The following GALNT14 variants were observed in gnomAD, a reference collection of about 807,000 sequenced individuals.
GALNT14 encodes polypeptide N-acetylgalactosaminyltransferase 14.
GALNT14 carries 60 observed loss-of-function variants against 77.5 expected under a neutral mutation model. That is an observed-to-expected ratio of 0.77 (90% CI 0.63 to 0.96). The LOEUF is 0.96. Among genes scored for constraint, GALNT14 ranks in the 40% least tolerant of loss-of-function variants. The pLI, the probability that GALNT14 is intolerant of heterozygous loss-of-function variation, is 0.00. For missense variants in GALNT14, 710 were observed against 731.0 expected (o/e 0.97, Z 0.33); for synonymous variants, 280 against 281.7 (o/e 0.99, Z 0.06).
rs1211106519 is a variant in GALNT14 at position 31,072,304 on chromosome 2, TAC to T, written c.129+65652_129+65653del. Reference sequence around the variant, plus strand: ...ACATACACACACACACACACACACATACACACACACACACACACGCATGCGGA... The same window carrying T: ...ACATACACACACACACACACACACATACACACACACACACACGCATGCGGA... On this transcript the variant is annotated intron_variant, in intron 1 of 14. Coordinates refer to ENST00000349752, the MANE Select transcript of GALNT14 (RefSeq NM_024572.4). Among the ~76,000 whole-genome samples the T allele has an allele frequency of 7.7e-3, 291 of 37,796 alleles. 2 individuals are homozygous for T. The highest frequency in any genetic ancestry group is 0.044 in the African/African-American group (218 of 4,940). 24.8% of individuals were successfully genotyped at this position (37,796 alleles called of 152,430 possible).
At chr2:30,895,066 C>T in the GALNT14 span, among the ~76,000 whole-genome samples, 1 of 152,216 alleles carries the variant, frequency 6.6e-6, no homozygotes, top group Admixed American at 6.5e-5. Context: ...CCTCTTTGTG[C>T]TATCCAAGTT....
intron 1 of GALNT14, among the ~76,000 whole-genome samples, chr2:31,130,789 C>T (rs1287687311): frequency 1.4e-3 from 167 of 119,068 alleles, no homozygotes; most frequent in African/African-American, 3.5e-3. Flanking sequence ...TGTGTGCGCG[C>T]GCACCTGTGT....
At chr2:30,891,293 T>C in the GALNT14 span, among the ~76,000 whole-genome samples, 1 of 152,162 alleles carries the variant, frequency 6.6e-6, no homozygotes, top group Admixed American at 6.5e-5. Flanking sequence ...TTACGGGCTT[T>C]CCTGCTGTGT....
At chr2:31,092,607 A>G (rs1251236476) in intron 1 of GALNT14, among the ~76,000 whole-genome samples, 1 of 152,182 alleles carries the variant, frequency 6.6e-6, no homozygotes, top group East Asian at 1.9e-4. Flanking sequence ...GTCATGAAGA[A>G]AGGAGATAAG....
intron 1 of GALNT14, among the ~76,000 whole-genome samples, chr2:31,050,529 G>A (rs1042457158): frequency 2.0e-5 from 3 of 152,128 alleles, no homozygotes; most frequent in African/African-American, 7.2e-5. Flanking sequence ...TAAATGCAAC[G>A]TGGGGGCCTG....
intron 6 of GALNT14, among the ~76,000 whole-genome samples, chr2:30,954,858 G>C (rs1259487170): frequency 6.6e-6 from 1 of 152,120 alleles, no homozygotes; most frequent in East Asian, 1.9e-4. Context: ...AGTGAAGTGG[G>C]TATATTAAAA....
intron 1 of GALNT14, among the ~76,000 whole-genome samples, chr2:31,091,321 A>G (rs1477979496): frequency 2.0e-5 from 3 of 152,236 alleles, no homozygotes; most frequent in Non-Finnish European, 4.4e-5. Flanking sequence ...TTTTATTGGA[A>G]CACACCATGC....
chr2:30,890,361 A>G, the GALNT14 span, among the ~76,000 whole-genome samples: 1 of 152,158 alleles, frequency 6.6e-6, no homozygotes, highest in Non-Finnish European at 1.5e-5. Flanking sequence ...TCCTTTTAGC[A>G]CTTAGTACTC....
chr2:30,984,515 T>A (rs1291704353), intron 2 of GALNT14, among the ~76,000 whole-genome samples: 3 of 152,210 alleles, frequency 2.0e-5, no homozygotes, highest in Admixed American at 6.5e-5. Context: ...AATCTCCTTA[T>A]CCTGAATTCA....
intron 6 of GALNT14, among the ~76,000 whole-genome samples, chr2:30,948,784 C>G (rs942229646): frequency 1.3e-5 from 2 of 152,170 alleles, no homozygotes; most frequent in Non-Finnish European, 2.9e-5. Context: ...AGTTATTAAA[C>G]CTGAGGGTAG....
In GALNT14 at chr2:31,113,605, C is replaced by T. The variant is rs190496071; in HGVS notation, c.129+24353G>A. On this transcript the variant is annotated intron_variant, in intron 1 of 14. Coordinates refer to ENST00000349752, the MANE Select transcript of GALNT14 (RefSeq NM_024572.4). ...TTCTGGTGCTGCAAGGAACCAACAGCCTGGCTGGTGGTACTGCTCCTACAA... is the reference window on the plus strand; with the variant it reads ...TTCTGGTGCTGCAAGGAACCAACAGTCTGGCTGGTGGTACTGCTCCTACAA... Among the ~76,000 whole-genome samples, 6 of 152,242 alleles carry T rather than the reference C, an allele frequency of 3.9e-5. No individual in the cohort carries two copies. In the East Asian group the frequency reaches 1.2e-3, roughly 29 times the overall value.
At chr2:31,005,451 C>T (rs1670614344) in intron 1 of GALNT14, among the ~76,000 whole-genome samples, 1 of 152,206 alleles carries the variant, frequency 6.6e-6, no homozygotes, top group Non-Finnish European at 1.5e-5. Flanking sequence ...TTCACCCTCA[C>T]CCAGCTTCAT....
intron 1 of GALNT14, among the ~76,000 whole-genome samples, chr2:31,061,645 C>A (rs1408458547): frequency 6.6e-6 from 1 of 151,988 alleles, no homozygotes; most frequent in Non-Finnish European, 1.5e-5. Context: ...CCACTATCAC[C>A]TCCAGGTACT....
intron 1 of GALNT14, among the ~76,000 whole-genome samples, chr2:31,005,529 C>A (rs1463385052): frequency 7.9e-5 from 12 of 152,220 alleles, no homozygotes. Context: ...AATGCATACA[C>A]AACATATTAT....
At chr2:30,909,675 G>A (rs62139530), downstream of GALNT14, among the ~76,000 whole-genome samples, 1 of 151,836 alleles carries the variant, frequency 6.6e-6, no homozygotes, top group Admixed American at 6.6e-5. Flanking sequence ...ATCTAGAACT[G>A]GAAATACCAT....
chr2:31,115,078 C>A (rs1159229496), intron 1 of GALNT14, among the ~76,000 whole-genome samples: 1 of 152,008 alleles, frequency 6.6e-6, no homozygotes, highest in Non-Finnish European at 1.5e-5. Flanking sequence ...AAGACCCCAT[C>A]TCTACTAAAT....
At chr2:31,000,435 CTGTGTGTGTG>C (rs3223043) in intron 1 of GALNT14, among the ~76,000 whole-genome samples, 118 of 146,076 alleles carry the variant, frequency 8.1e-4, no homozygotes, top group African/African-American at 2.0e-3. Context: ...ATATCACCAA[CTGTGTGTGTG>C]TGTGTGTGTG....
intron 6 of GALNT14, among the ~76,000 whole-genome samples, chr2:30,953,128 A>G (rs1667138289): frequency 6.6e-6 from 1 of 152,100 alleles, no homozygotes; most frequent in Admixed American, 6.6e-5. Context: ...TTTTAACTCC[A>G]GGCATGAATG....
At chr2:31,065,253 C>T (rs1424515037) in intron 1 of GALNT14, 1 of 152,186 alleles carries the variant, frequency 6.6e-6, no homozygotes, top group South Asian at 2.1e-4. Context: ...ATGTTTCACA[C>T]TCTTGCCTCA....
Sources: gnomAD v4.1 joint callset for allele counts (sites outside exome capture counted in the v4.1 genomes callset) on GRCh38, gnomAD v4.1.1 for gene constraint, MANE v1.5 for transcripts, NCBI Gene and HGNC (gene_info 2026-07-23, HGNC 2026-07-21) for gene names.